Variants in QRFPR observed in about 807,000 individuals in gnomAD.
QRFPR encodes the protein pyroglutamylated RF-amide peptide receptor.
A neutral mutation model predicts 31.3 loss-of-function variants in QRFPR; 37 were observed. That is an observed-to-expected ratio of 1.18 (90% CI 0.91 to 1.56). The LOEUF is 1.56. QRFPR is among the 40% of genes most tolerant of loss of function. QRFPR has a pLI of 0.00. For missense variants in QRFPR, 542 were observed against 532.5 expected, an observed-to-expected ratio of 1.02 and a Z score of -0.18; for synonymous variants, 197 against 192.0, an observed-to-expected ratio of 1.03 and a Z score of -0.22.
At chr4:121,345,361 C>T (rs904006200) in intron 1 of QRFPR, among the ~76,000 whole-genome samples, 2 of 152,216 alleles carry the variant, frequency 1.3e-5, no homozygotes, top group African/African-American at 4.8e-5. Context: ...TCACGCTGAT[C>T]CTGTGAGCCT....
chr4:121,348,873 TG>T (rs1725711920), intron 1 of QRFPR, among the ~76,000 whole-genome samples: 1 of 152,018 alleles, frequency 6.6e-6, no homozygotes, highest in Non-Finnish European at 1.5e-5. Flanking sequence ...CGAGGCGGGC[TG>T]ATCATGAGGT....
intron 2 of QRFPR, among the ~76,000 whole-genome samples, chr4:121,339,366 G>A (rs1579571424): frequency 6.6e-6 from 1 of 152,208 alleles, no homozygotes; most frequent in East Asian, 1.9e-4. Flanking sequence ...ATTTTACTGT[G>A]TTAGACTTTA....
chr4:121,330,900 G>A (rs1222667408), intron 4 of QRFPR, among the ~76,000 whole-genome samples: 1 of 152,092 alleles, frequency 6.6e-6, no homozygotes, highest in East Asian at 1.9e-4. Context: ...TAACTTCTGT[G>A]ACTTCAATAT....
At chr4:121,351,394 T>C (rs1725757691) in intron 1 of QRFPR, among the ~76,000 whole-genome samples, 1 of 152,190 alleles carries the variant, frequency 6.6e-6, no homozygotes, top group African/African-American at 2.4e-5. Context: ...ACAAGTTCCC[T>C]AGTGCACAAT....
chr4:121,352,094 G>A (rs962724284), intron 1 of QRFPR, among the ~76,000 whole-genome samples: 3 of 151,934 alleles, frequency 2.0e-5, no homozygotes, highest in Non-Finnish European at 4.4e-5. Flanking sequence ...ATTCTCTCTG[G>A]CGGTTGGAAT....
At chr4:121,370,038 A>C (rs986783428) in intron 1 of QRFPR, 1 of 772,888 alleles carries the variant, frequency 1.3e-6, no homozygotes, top group Non-Finnish European at 2.4e-6. Flanking sequence ...TCATGACGAC[A>C]TGGGTAGCTT....
chr4:121,341,874 T>C (rs11945502), intron 1 of QRFPR, among the ~76,000 whole-genome samples: 53,411 of 152,016 alleles, frequency 0.35, 9,669 homozygotes, highest in Middle Eastern at 0.47. Flanking sequence ...CATGGCTTTT[T>C]CTGCTCCTTG....
chr4:121,359,921 C>G (rs1244394383), intron 1 of QRFPR, among the ~76,000 whole-genome samples: 1 of 151,906 alleles, frequency 6.6e-6, no homozygotes, highest in African/African-American at 2.4e-5. Context: ...ATCTCTGTAA[C>G]TTGCATGTGA....
chr4:121,359,473 A>T, intron 1 of QRFPR, among the ~76,000 whole-genome samples: 1 of 152,094 alleles, frequency 6.6e-6, no homozygotes, highest in Non-Finnish European at 1.5e-5. Flanking sequence ...CCCAGCCTGC[A>T]TCTTTCTCCC....
intron 1 of QRFPR, among the ~76,000 whole-genome samples, chr4:121,373,700 A>G (rs1726297362): frequency 6.6e-6 from 1 of 152,234 alleles, no homozygotes. Context: ...ATGGGACCGA[A>G]GAAGTTCCAG....
intron 1 of QRFPR, among the ~76,000 whole-genome samples, chr4:121,373,999 G>C (rs931524154): frequency 6.6e-6 from 1 of 152,082 alleles, no homozygotes; most frequent in African/African-American, 2.4e-5. Flanking sequence ...TCTGTTACCC[G>C]CCCACATCCG....
intron 1 of QRFPR, among the ~76,000 whole-genome samples, chr4:121,348,262 A>G (rs1725695230): frequency 6.6e-6 from 1 of 152,218 alleles, no homozygotes; most frequent in African/African-American, 2.4e-5. Flanking sequence ...TGAAGGATTA[A>G]TGAGAAAACA....
At position 121,347,395 on chromosome 4, in the gene QRFPR, A is replaced by G. The variant is rs150076852; in HGVS notation, c.341-6785T>C. Among the ~76,000 whole-genome samples the G allele has an allele frequency of 4.5e-3, 680 of 152,210 alleles. 8 individuals are homozygous for G. Among genetic ancestry groups the G allele is most frequent in the African/African-American group, 0.016 (660 of 41,550 alleles). On this transcript the variant is annotated intron_variant, in intron 1 of 5. Coordinates refer to ENST00000394427, the MANE Select transcript of QRFPR (RefSeq NM_198179.3). ...TTTTAATTTATTGATTTCAGATGAT[A>G]GATATAGATTACCTTCTTGGGTAGA...
chr4:121,370,242 T>A, intron 1 of QRFPR: 1 of 780,204 alleles, frequency 1.3e-6, no homozygotes, highest in East Asian at 2.4e-5. Context: ...CTTGAGGGTA[T>A]CATCATAGCT....
chr4:121,330,644 C>T (rs1001981471), intron 4 of QRFPR, 121 bp from the exon 5 acceptor site: 19 of 685,630 alleles, frequency 2.8e-5, no homozygotes, highest in Middle Eastern at 2.4e-4. Context: ...ATTAAGCTCA[C>T]GATAGGTTAT....
At chr4:121,363,442 A>C (rs1281074549) in intron 1 of QRFPR, among the ~76,000 whole-genome samples, 2 of 150,130 alleles carry the variant, frequency 1.3e-5, no homozygotes, top group African/African-American at 2.5e-5. Flanking sequence ...CAGAGGTCTC[A>C]TGTGCATCAC....
chr4:121,333,520 C>A (rs559837992), intron 3 of QRFPR, among the ~76,000 whole-genome samples: 26 of 152,274 alleles, frequency 1.7e-4, no homozygotes, highest in Non-Finnish European at 2.9e-4. Flanking sequence ...CTGAAAGCTG[C>A]GTTTTGTTAC....
chr4:121,340,193 AGCTGAACATAGT>A, intron 2 of QRFPR: 1 of 384,984 alleles, frequency 2.6e-6, no homozygotes, highest in South Asian at 3.4e-5. Flanking sequence ...ATCTTAGATT[AGCTGAACATAGT>A]GCTTAAACGT....
At chr4:121,357,924 A>G (rs1725902393) in intron 1 of QRFPR, among the ~76,000 whole-genome samples, 1 of 152,028 alleles carries the variant, frequency 6.6e-6, no homozygotes, top group African/African-American at 2.4e-5. Flanking sequence ...TCTTTCATTC[A>G]CATATTTGTT....
Sources: gnomAD v4.1 joint callset for allele counts (sites outside exome capture counted in the v4.1 genomes callset) on GRCh38, gnomAD v4.1.1 for gene constraint, MANE v1.5 for transcripts, NCBI Gene and HGNC (gene_info 2026-07-23, HGNC 2026-07-21) for gene names.